The following BTRC variants were observed in gnomAD, a reference collection of about 807,000 sequenced individuals.
BTRC encodes F-box/WD repeat-containing protein 1A.
Under a neutral mutation model 85.5 loss-of-function variants are expected in BTRC, and 42 were observed. That is an observed-to-expected ratio of 0.49 (90% CI 0.38 to 0.64). The LOEUF is 0.64. Ranked by LOEUF, BTRC falls within the 30% of genes least tolerant of loss-of-function variation. The pLI, the probability that BTRC is intolerant of heterozygous loss-of-function variation, is 0.00. For missense variants in BTRC, 594 were observed against 743.5 expected (o/e 0.80, Z 2.34); for synonymous variants, 255 against 263.3 (o/e 0.97, Z 0.30).
intron 1 of BTRC, among the ~76,000 whole-genome samples, chr10:101,370,816 C>G (rs1226616822): frequency 6.6e-6 from 1 of 152,134 alleles, no homozygotes; most frequent in Non-Finnish European, 1.5e-5. Context: ...AAGTGATTCA[C>G]CTGCCTCTGC....
intron 2 of BTRC, among the ~76,000 whole-genome samples, chr10:101,459,434 C>T (rs997159299): frequency 6.6e-6 from 1 of 152,096 alleles, no homozygotes; most frequent in Admixed American, 6.6e-5. Flanking sequence ...AATCCTTGTT[C>T]CTGATATCAT....
intron 4 of BTRC, among the ~76,000 whole-genome samples, chr10:101,487,626 A>G (rs1289562973): frequency 6.6e-6 from 1 of 152,226 alleles, no homozygotes; most frequent in Non-Finnish European, 1.5e-5. Flanking sequence ...GCGATGGGCA[A>G]TATGGCAGCA....
intron 4 of BTRC, among the ~76,000 whole-genome samples, chr10:101,516,536 C>G (rs1187559153): frequency 6.6e-6 from 1 of 152,066 alleles, no homozygotes; most frequent in Non-Finnish European, 1.5e-5. Context: ...GGGGTGGTGA[C>G]TAAAATGTAT....
chr10:101,521,655 G>T lies in BTRC; in HGVS notation c.341G>T (p.Gly114Val). 6.2e-7 allele frequency: 1 copy of T among 1,613,594 alleles called. No homozygotes were observed. The highest frequency in any genetic ancestry group is 8.5e-7 in the Non-Finnish European group (1 of 1,179,852). Residue 114 changes from glycine to valine, a missense_variant, in exon 5 of 15, where the codon GGC becomes GTC. Physicochemically the swap from Gly to Val is moderately radical, Grantham distance 109. This residue lies in a region of BTRC where 163 missense variants were observed against 180.5 expected (regional missense o/e 0.90). Transcript: ENST00000370187. ...CTTCTACAGACAAAACTTGCCAATG[G>T]CACTTCCAGTATGATTGTGCCCAAG... ...NCVAKTKLAN[G>V]TSSMIVPKQR... is the part of the protein sequence containing the mutation.
At chr10:101,419,747 CT>C (rs559266844) in intron 1 of BTRC, among the ~76,000 whole-genome samples, 36 of 152,270 alleles carry the variant, frequency 2.4e-4, no homozygotes, top group Non-Finnish European at 4.6e-4. Context: ...TAGAGTTTGC[CT>C]GCTACCGTTA....
rs991581006 is a variant in BTRC at position 101,463,264 on chromosome 10, G to A, written c.234+1206G>A. On this transcript the variant is annotated intron_variant, in intron 3 of 14. Coordinates refer to ENST00000370187, the MANE Select transcript of BTRC (RefSeq NM_033637.4). The stretch of plus-strand genomic sequence containing the variant: ...TTTCACCATGTTGGCCAGGCTGGTC[G>A]CAAACTCTTGACCTTGTGATCTGCC... Among the ~76,000 whole-genome samples the A allele has an allele frequency of 4.6e-5, 7 of 151,514 alleles. No individual in the cohort carries two copies. The South Asian group carries it at 6.3e-4, about 14-fold the overall frequency.
intron 1 of BTRC, among the ~76,000 whole-genome samples, chr10:101,361,165 G>A (rs372360054): frequency 1.3e-5 from 2 of 151,782 alleles, no homozygotes; most frequent in East Asian, 1.9e-4. Flanking sequence ...GGAGTGCAGT[G>A]GTGCGATCTC....
intron 6 of BTRC, 25 bp from the exon 7 acceptor site, chr10:101,531,212 C>T: frequency 6.7e-7 from 1 of 1,492,060 alleles, no homozygotes; most frequent in Non-Finnish European, 9.3e-7. Context: ...ATGATTTTCA[C>T]TGGGAAATAT....
rs1945134389 is a variant in BTRC at position 101,458,375 on chromosome 10, A to G, written c.157-3606A>G. 2.0e-5 allele frequency among the ~76,000 whole-genome samples: 3 copies of G among 152,200 alleles called. No homozygotes were observed. In the South Asian group the frequency reaches 6.2e-4, roughly 31 times the overall value. On this transcript the variant is annotated intron_variant, in intron 2 of 14. Transcript: ENST00000370187. ...GGGAGAGGGTTGACTATTAAGGAGA[A>G]TTTCAAGAGAATTTTGGGAGTGGTG... is the stretch of plus-strand genomic sequence containing the variant.
chr10:101,389,585 G>C (rs1943183959), intron 1 of BTRC, among the ~76,000 whole-genome samples: 2 of 131,128 alleles, frequency 1.5e-5, no homozygotes, highest in South Asian at 5.4e-4. Context: ...TTACAGTCAA[G>C]TTACACTGGC....
intron 1 of BTRC, among the ~76,000 whole-genome samples, chr10:101,423,151 C>T (rs1944152964): frequency 1.3e-5 from 2 of 152,046 alleles, no homozygotes; most frequent in South Asian, 4.2e-4. Context: ...TGGTCTCAAG[C>T]AGTCCTCCCA....
chr10:101,376,080 C>CT (rs1376401153), intron 1 of BTRC, among the ~76,000 whole-genome samples: 1 of 152,150 alleles, frequency 6.6e-6, no homozygotes, highest in Non-Finnish European at 1.5e-5. Flanking sequence ...AATCCTAGCA[C>CT]TTCGGGAGGC....
chr10:101,366,862 A>ATATATATATGTATG (rs1554862147), intron 1 of BTRC, among the ~76,000 whole-genome samples: 1 of 28,746 alleles, frequency 3.5e-5, no homozygotes, highest in Non-Finnish European at 6.4e-5. Flanking sequence ...ATATATATTT[A>ATATATATATGTATG]TATATTAATA....
chr10:101,404,273 G>A (rs1006684884), intron 1 of BTRC, among the ~76,000 whole-genome samples: 41 of 148,790 alleles, frequency 2.8e-4, no homozygotes, highest in Middle Eastern at 3.4e-3. Flanking sequence ...CTTATGATCC[G>A]CCCTCCTCGG....
At chr10:101,521,609 T>A (rs773848311) in intron 4 of BTRC, 30 bp from the exon 5 acceptor site, 1 of 1,495,412 alleles carries the variant, frequency 6.7e-7, no homozygotes, top group South Asian at 1.2e-5. Context: ...ATACTAATCA[T>A]TTTATGTTTC....
At chr10:101,423,363 T>C (rs1192639957) in intron 1 of BTRC, among the ~76,000 whole-genome samples, 8 of 152,242 alleles carry the variant, frequency 5.3e-5, no homozygotes, top group African/African-American at 1.4e-4. Context: ...GAGAATGTTA[T>C]ACAGATGCAG....
At chr10:101,429,504 T>TCC (rs140231696) in intron 1 of BTRC, among the ~76,000 whole-genome samples, 13 of 75,774 alleles carry the variant, frequency 1.7e-4, no homozygotes, top group Admixed American at 2.7e-4. Context: ...TCCTCTCCCC[T>TCC]CCCCCCCTCC....
intron 4 of BTRC, among the ~76,000 whole-genome samples, chr10:101,497,765 T>C (rs1310114735): frequency 6.6e-6 from 1 of 152,068 alleles, no homozygotes; most frequent in Non-Finnish European, 1.5e-5. Context: ...CTCATGCCTG[T>C]AATCCCAGCA....
At chr10:101,499,105 G>C (rs11191030) in intron 4 of BTRC, among the ~76,000 whole-genome samples, 56,256 of 151,932 alleles carry the variant, frequency 0.37, 11,597 homozygotes, top group Middle Eastern at 0.49. Context: ...TATGACAATT[G>C]TAGGAAGTAG....
Sources: allele counts gnomAD v4.1 joint callset (sites outside exome capture counted in the v4.1 genomes callset), GRCh38; gene constraint gnomAD v4.1.1; regional missense constraint gnomAD v4.1.1; transcripts MANE v1.5; gene names NCBI Gene and HGNC (gene_info 2026-07-23, HGNC 2026-07-21).